FRMPD4: variants seen among roughly 807,000 people sequenced by gnomAD.
FRMPD4 encodes the protein FERM and PDZ domain containing 4, also known as FERM and PDZ domain-containing protein 4.
A neutral mutation model predicts 94.1 loss-of-function variants in FRMPD4; 22 were observed. The observed-to-expected ratio is 0.23, with a 90% CI of 0.17 to 0.33. The LOEUF is 0.33. FRMPD4 is among the 10% of genes least tolerant of loss of function. The pLI, the probability that FRMPD4 is intolerant of heterozygous loss-of-function variation, is 1.00. For synonymous variants in FRMPD4, 631 were observed against 548.6 expected, an observed-to-expected ratio of 1.15 and a Z score of -2.10; for missense variants, 1,111 against 1,339.9, an observed-to-expected ratio of 0.83 and a Z score of 2.67.
intron 1 of FRMPD4, among the ~76,000 whole-genome samples, chrX:11,848,512 T>G (rs957503981): frequency 1.5e-4 from 16 of 108,159 alleles, no homozygotes; most frequent in African/African-American, 4.7e-4. Context: ...CAGCCTGTGT[T>G]TTTTTTTTTT....
At chrX:12,117,407 T>C (rs1359151087) in intron 3 of FRMPD4, among the ~76,000 whole-genome samples, 1 of 111,235 alleles carries the variant, frequency 9.0e-6, no homozygotes, top group Non-Finnish European at 1.9e-5. Flanking sequence ...TTTATAATGT[T>C]GCCCGTAGAG....
At chrX:12,189,839 T>G (rs1181137753) in intron 1 of FRMPD4, among the ~76,000 whole-genome samples, 1 of 111,279 alleles carries the variant, frequency 9.0e-6, no homozygotes, top group East Asian at 2.8e-4. Flanking sequence ...ATGTGTCCTC[T>G]CACCACTGCT....
chrX:11,848,510 G>GT (rs772468306), intron 1 of FRMPD4, among the ~76,000 whole-genome samples: 12,537 of 98,880 alleles, frequency 0.13, 708 homozygotes, highest in Non-Finnish European at 0.16. Flanking sequence ...CCCAGCCTGT[G>GT]TTTTTTTTTT....
At chrX:12,243,652 G>GT (rs1300836709) in intron 1 of FRMPD4, among the ~76,000 whole-genome samples, 79 of 104,703 alleles carry the variant, frequency 7.5e-4, no homozygotes, top group South Asian at 1.3e-3. Flanking sequence ...AACAAACCTA[G>GT]TTTTTTTTTT....
intron 3 of FRMPD4, among the ~76,000 whole-genome samples, chrX:11,969,625 C>T (rs987800540): frequency 3.3e-4 from 37 of 111,813 alleles, no homozygotes; most frequent in African/African-American, 1.2e-3. Flanking sequence ...AAGTGTTAGG[C>T]GCCTAAGGCT....
chrX:11,843,821 G>A (rs1013592256), intron 1 of FRMPD4, among the ~76,000 whole-genome samples: 1 of 110,565 alleles, frequency 9.0e-6, no homozygotes, highest in African/African-American at 3.3e-5. Context: ...AAAGCACTTG[G>A]GATTTCAGGC....
At chrX:11,967,751 TGTG>T (rs1313778155) in intron 3 of FRMPD4, among the ~76,000 whole-genome samples, 37 of 79,865 alleles carry the variant, frequency 4.6e-4, no homozygotes, top group African/African-American at 1.6e-3. Flanking sequence ...TGTGTGTGTG[TGTG>T]TGTTTTTTTT....
At chrX:12,550,766 G>T (rs754831316) in intron 2 of FRMPD4, among the ~76,000 whole-genome samples, 2 of 109,825 alleles carry the variant, frequency 1.8e-5, no homozygotes, top group East Asian at 5.7e-4. Context: ...TCCTCATAAG[G>T]CTTTCTGATA....
At chrX:12,461,442 T>C (rs754809525) in intron 1 of FRMPD4, among the ~76,000 whole-genome samples, 10 of 111,880 alleles carry the variant, frequency 8.9e-5, no homozygotes, top group Non-Finnish European at 9.4e-5. Flanking sequence ...TTCTCAGTCT[T>C]TGCTATCTGT....
At chrX:12,478,303 G>A (rs1043277406) in intron 1 of FRMPD4, among the ~76,000 whole-genome samples, 1 of 111,699 alleles carries the variant, frequency 9.0e-6, no homozygotes, top group African/African-American at 3.2e-5. Flanking sequence ...GGCCGGGCGT[G>A]GTGGCTCACT....
At chrX:12,081,360 A>G (rs1218579493) in intron 3 of FRMPD4, among the ~76,000 whole-genome samples, 5 of 111,575 alleles carry the variant, frequency 4.5e-5, no homozygotes, top group Non-Finnish European at 7.5e-5. Flanking sequence ...ACTTACTTAC[A>G]GTTTAATATG....
chrX:12,511,615 A>G lies in FRMPD4; in HGVS notation c.158+12819A>G, dbSNP rs764592738. On this transcript the variant is annotated intron_variant, in intron 2 of 16. Transcript: ENST00000675598. ...AAGTAATCAAGTCAGAGGATTAAAA[A>G]GAAAAAAATAAAAGTGAAGAGAGCC... Among the ~76,000 whole-genome samples, 10 of 112,037 alleles carry G rather than the reference A, an allele frequency of 8.9e-5. No homozygotes were observed. The East Asian group carries it at 2.8e-3, about 31-fold the overall frequency.
chrX:12,541,736 T>G (rs1166708432), intron 2 of FRMPD4, among the ~76,000 whole-genome samples: 1 of 111,871 alleles, frequency 8.9e-6, no homozygotes, highest in Non-Finnish European at 1.9e-5. Flanking sequence ...CCTAATTCAT[T>G]TTATGAGGCC....
intron 1 of FRMPD4, among the ~76,000 whole-genome samples, chrX:12,166,376 C>G (rs142960176): frequency 0.12 from 13,022 of 111,238 alleles, 771 homozygotes; most frequent in African/African-American, 0.22. Flanking sequence ...TATGTTGAAC[C>G]AGCCTTGCAT....
At chrX:12,039,517 A>T (rs1432305915) in intron 3 of FRMPD4, among the ~76,000 whole-genome samples, 3 of 111,170 alleles carry the variant, frequency 2.7e-5, no homozygotes, top group African/African-American at 9.8e-5. Flanking sequence ...GCATTTAGAA[A>T]ATTATTGTTT....
intron 3 of FRMPD4, among the ~76,000 whole-genome samples, chrX:11,885,842 C>A (rs1281452374): frequency 8.9e-6 from 1 of 111,755 alleles, no homozygotes; most frequent in Non-Finnish European, 1.9e-5. Flanking sequence ...ATGTTATCCC[C>A]TTGCCCAAAA....
intron 4 of FRMPD4, among the ~76,000 whole-genome samples, chrX:12,626,729 A>ACCTG (rs1329156080): frequency 1.6e-4 from 17 of 104,918 alleles, no homozygotes. Flanking sequence ...TGTCAGGAGT[A>ACCTG]CCTGCTTATT....
At chrX:12,112,543 G>C (rs1349498282) in intron 3 of FRMPD4, among the ~76,000 whole-genome samples, 1 of 110,791 alleles carries the variant, frequency 9.0e-6, no homozygotes, top group Non-Finnish European at 1.9e-5. Context: ...TTGTACACAT[G>C]TACCCTAGAA....
At chrX:12,062,157 G>A (rs2054890545) in intron 3 of FRMPD4, among the ~76,000 whole-genome samples, 1 of 111,839 alleles carries the variant, frequency 8.9e-6, no homozygotes, top group African/African-American at 3.2e-5. Flanking sequence ...TATAACCTCT[G>A]TGTCTATGCA....
Sources: gnomAD v4.1 joint callset for allele counts (sites outside exome capture counted in the v4.1 genomes callset) on GRCh38, gnomAD v4.1.1 for gene constraint, MANE v1.5 for transcripts, NCBI Gene and HGNC (gene_info 2026-07-23, HGNC 2026-07-21) for gene names.